The following SDK1 variants were observed in gnomAD, a reference collection of about 807,000 sequenced individuals.
The protein encoded by SDK1 is protein sidekick-1.
In SDK1, 157 loss-of-function variants were observed where a neutral mutation model predicts 245.5. The observed-to-expected ratio is 0.64, with a 90% CI of 0.56 to 0.73. The LOEUF is 0.73. Among genes scored for constraint, SDK1 ranks in the 30% least tolerant of loss-of-function variants. The pLI is 0.00. For missense variants in SDK1, 3,583 were observed against 3,002.3 expected, an observed-to-expected ratio of 1.19 and a Z score of -4.52; for synonymous variants, 1,647 against 1,278.5, an observed-to-expected ratio of 1.29 and a Z score of -6.15.
chr7:3,893,362 C>T (rs775550293), intron 5 of SDK1, among the ~76,000 whole-genome samples: 4 of 152,062 alleles, frequency 2.6e-5, no homozygotes, highest in Admixed American at 6.6e-5. Context: ...AATGCCCCCG[C>T]GGTTGGCTTG....
chr7:3,852,203 C>T (rs938635121), intron 5 of SDK1, among the ~76,000 whole-genome samples: 2 of 147,672 alleles, frequency 1.4e-5, no homozygotes, highest in African/African-American at 2.5e-5. Flanking sequence ...ACTTGAGATT[C>T]TTTAAATCAT....
At chr7:3,473,873 C>T (rs557808160) in intron 1 of SDK1, among the ~76,000 whole-genome samples, 6 of 151,828 alleles carry the variant, frequency 4.0e-5, no homozygotes, top group East Asian at 1.9e-4. Flanking sequence ...TCTCCAAATT[C>T]GCGTATGTTC....
At chr7:4,179,786 C>T (rs565018359) in intron 35 of SDK1, among the ~76,000 whole-genome samples, 4 of 151,948 alleles carry the variant, frequency 2.6e-5, no homozygotes, top group South Asian at 2.1e-4. Context: ...CCACTGCGGA[C>T]GGCGGCCATG....
At chr7:4,184,192 G>T (rs1182352051) in intron 35 of SDK1, among the ~76,000 whole-genome samples, 2 of 152,196 alleles carry the variant, frequency 1.3e-5, no homozygotes, top group Non-Finnish European at 2.9e-5. Context: ...CGTCCCCTCG[G>T]CTGGAAGCTT....
At chr7:3,782,515 A>C (rs1780777264) in intron 4 of SDK1, among the ~76,000 whole-genome samples, 1 of 152,198 alleles carries the variant, frequency 6.6e-6, no homozygotes, top group Non-Finnish European at 1.5e-5. Flanking sequence ...ACCAAGGCAC[A>C]TAGTAATACA....
At position 4,265,613 on chromosome 7, in the gene SDK1, C is replaced by CTT; in HGVS notation, c.*233_*234dup. The CTT allele has an allele frequency of 7.5e-7, 1 of 1,335,680 alleles. No homozygotes were observed. The highest frequency in any genetic ancestry group is 2.1e-5 in the South Asian group (1 of 46,912). 82.7% of individuals were successfully genotyped at this position (1,335,680 alleles called of 1,614,324 possible). ...AAGCAGGTTTGTTTCTTTTTCTTTT[C>CTT]TTTTTAAGAGAAGGTGTATTTCACT... On this transcript the variant is annotated 3_prime_UTR_variant, in exon 45 of 45. Transcript: ENST00000404826.
intron 1 of SDK1, among the ~76,000 whole-genome samples, chr7:3,332,570 C>T (rs898266831): frequency 6.6e-6 from 1 of 152,044 alleles, no homozygotes; most frequent in South Asian, 2.1e-4. Context: ...ACTTTTATTG[C>T]CATTTATAAT....
rs1447846962 is a variant in SDK1, at chr7:4,127,513, T to A, written c.3939+17T>A. 6.3e-7 allele frequency: 1 copy of A among 1,574,808 alleles called. No homozygotes were observed. Among genetic ancestry groups the A allele is most frequent in the Non-Finnish European group, 8.7e-7 (1 of 1,144,324 alleles). On this transcript the variant is annotated intron_variant, in intron 26 of 44. Transcript: ENST00000404826. ...GGCTACAAGGTGTGTGATCACAGGA[T>A]GACCTCCCTTTGCTTAAAGAGTGGG... is the stretch of plus-strand genomic sequence containing the variant.
chr7:4,164,591 C>T (rs777736670), intron 32 of SDK1, among the ~76,000 whole-genome samples: 16 of 152,228 alleles, frequency 1.1e-4, no homozygotes, highest in Non-Finnish European at 1.6e-4. Context: ...TCTTTGTAGA[C>T]GTGGCGGCAG....
At chr7:3,459,772 T>C (rs998442108) in intron 1 of SDK1, among the ~76,000 whole-genome samples, 1 of 152,206 alleles carries the variant, frequency 6.6e-6, no homozygotes, top group Admixed American at 6.5e-5. Flanking sequence ...CCAGTTGTGA[T>C]CCATGTCCTT....
intron 1 of SDK1, among the ~76,000 whole-genome samples, chr7:3,318,562 G>A (rs570315039): frequency 1.3e-5 from 2 of 152,244 alleles, no homozygotes; most frequent in Admixed American, 1.3e-4. Context: ...TACACAGAAG[G>A]CATTACTTAT....
chr7:3,651,575 A>G (rs934972341), intron 4 of SDK1, among the ~76,000 whole-genome samples: 2 of 152,208 alleles, frequency 1.3e-5, no homozygotes, highest in African/African-American at 2.4e-5. Context: ...GGACAGAGTA[A>G]TCAATAGACG....
At chr7:3,684,578 G>A (rs1017065768) in intron 4 of SDK1, among the ~76,000 whole-genome samples, 14 of 152,284 alleles carry the variant, frequency 9.2e-5, no homozygotes, top group African/African-American at 2.6e-4. Context: ...CAAAATATGT[G>A]GGATATACCT....
chr7:3,689,963 G>A (rs932536666), intron 4 of SDK1, among the ~76,000 whole-genome samples: 5 of 152,164 alleles, frequency 3.3e-5, no homozygotes, highest in South Asian at 2.1e-4. Flanking sequence ...TTGATCATCC[G>A]TGTGGAAATG....
At chr7:3,917,238 C>T (rs1583560655) in intron 5 of SDK1, among the ~76,000 whole-genome samples, 3 of 152,204 alleles carry the variant, frequency 2.0e-5, no homozygotes, top group South Asian at 2.1e-4. Context: ...TATCCCTTGT[C>T]TTATAGGCAG....
At chr7:3,399,105 T>C (rs1172333900) in intron 1 of SDK1, among the ~76,000 whole-genome samples, 2 of 152,146 alleles carry the variant, frequency 1.3e-5, no homozygotes, top group Middle Eastern at 3.2e-3. Context: ...CTTCATGCAC[T>C]TGGGGATGTC....
At chr7:4,172,244 G>A (rs955566092) in intron 32 of SDK1, among the ~76,000 whole-genome samples, 2 of 152,266 alleles carry the variant, frequency 1.3e-5, no homozygotes, top group Non-Finnish European at 2.9e-5. Flanking sequence ...CCTGGGGGCT[G>A]CTTGAGCTAA....
intron 4 of SDK1, among the ~76,000 whole-genome samples, chr7:3,762,081 A>G (rs985117111): frequency 4.6e-5 from 7 of 152,228 alleles, no homozygotes; most frequent in African/African-American, 9.6e-5. Context: ...ATAGAGGTTA[A>G]ATAAATGTTT....
intron 2 of SDK1, among the ~76,000 whole-genome samples, chr7:3,620,358 A>T (rs930835447): frequency 6.6e-6 from 1 of 151,500 alleles, no homozygotes; most frequent in African/African-American, 2.4e-5. Flanking sequence ...GCTGGAGTGC[A>T]GTGGCGCGAT....
Sources: allele counts gnomAD v4.1 joint callset (sites outside exome capture counted in the v4.1 genomes callset), GRCh38; gene constraint gnomAD v4.1.1; transcripts MANE v1.5; gene names NCBI Gene and HGNC (gene_info 2026-07-23, HGNC 2026-07-21).